RELN: variants seen among roughly 807,000 people sequenced by gnomAD.
RELN encodes reelin.
Under a neutral mutation model 427.6 loss-of-function variants are expected in RELN, and 108 were observed. The ratio of observed to expected loss-of-function variants is 0.25; its 90% CI spans 0.22 to 0.30. RELN has a LOEUF of 0.30. Ranked by LOEUF, RELN falls within the 10% of genes least tolerant of loss-of-function variation. RELN has a pLI of 1.00. For synonymous variants in RELN, 1,524 were observed against 1,513.4 expected (o/e 1.01, Z -0.16); for missense variants, 3,715 against 4,302.8 (o/e 0.86, Z 3.82).
At chr7:103,945,905 A>G (rs918439817) in intron 1 of RELN, among the ~76,000 whole-genome samples, 2 of 152,164 alleles carry the variant, frequency 1.3e-5, no homozygotes, top group African/African-American at 4.8e-5. Flanking sequence ...ACAAGGCTGG[A>G]CTGCACAGCC....
Position 103,651,795 on chromosome 7 carries a change from A to G in RELN, c.1764-6T>C, listed in dbSNP as rs1832920795. On this transcript the variant is annotated splice_region_variant and splice_polypyrimidine_tract_variant and intron_variant, in intron 14 of 64. Coordinates refer to ENST00000428762, the MANE Select transcript of RELN (RefSeq NM_005045.4). ...TAGAAAATTCCAAGCTGACACTAAT[A>G]AAACCAGAACAAGCACACACAAAAG... 49 of 1,611,026 alleles carry G rather than the reference A, an allele frequency of 3.0e-5. No individual in the cohort carries two copies. The highest frequency in any genetic ancestry group is 4.0e-5 in the Non-Finnish European group (47 of 1,178,218).
rs2117002049 is a variant in RELN at position 103,490,730 on chromosome 7, G to C, written c.9543C>G (p.Asn3181Lys). 6.2e-7 allele frequency: 1 copy of C among 1,614,236 alleles called. No individual in the cohort carries two copies. Among genetic ancestry groups the C allele is most frequent in the Non-Finnish European group, 8.5e-7 (1 of 1,180,044 alleles). Residue 3181 changes from asparagine (N) to lysine (K), a missense_variant, in exon 59 of 65, where the codon AAC (asparagine) becomes AAG (lysine). Around this residue, in one of 4 missense-constraint regions of RELN, gnomAD observed 1,310 missense variants for 1,643.0 expected, o/e 0.80. Coordinates refer to ENST00000428762, the MANE Select transcript of RELN (RefSeq NM_005045.4). ...PFQFHEATIY[N>K]SVNSSSWKRI... ...TTTTCCAGCTTGAGCTGTTGACAGAGTTGTAGATGGTGGCTTCATGGAACT... is the reference window on the plus strand; with the variant it reads ...TTTTCCAGCTTGAGCTGTTGACAGACTTGTAGATGGTGGCTTCATGGAACT...
chr7:103,645,627 GAACA>G (rs1215116487), intron 16 of RELN, among the ~76,000 whole-genome samples: 9 of 151,598 alleles, frequency 5.9e-5, no homozygotes, highest in African/African-American at 1.7e-4. Context: ...CAGATTCACA[GAACA>G]AATACTACTA....
intron 3 of RELN, among the ~76,000 whole-genome samples, chr7:103,827,827 C>T (rs564495939): frequency 2.3e-4 from 35 of 152,050 alleles, no homozygotes; most frequent in Middle Eastern, 3.4e-3. Flanking sequence ...AAAAAAAAGA[C>T]GTGATTTAAA....
intron 3 of RELN, among the ~76,000 whole-genome samples, chr7:103,811,088 A>T (rs1792731587): frequency 6.6e-6 from 1 of 152,236 alleles, no homozygotes; most frequent in Admixed American, 6.6e-5. Flanking sequence ...AATCTTATGC[A>T]AAAGGTATTT....
At chr7:103,955,621 T>C (rs907088991) in intron 1 of RELN, among the ~76,000 whole-genome samples, 1 of 152,188 alleles carries the variant, frequency 6.6e-6, no homozygotes, top group Admixed American at 6.5e-5. Context: ...CTATTAGATG[T>C]AGGATAGTGT....
At chr7:103,881,869 C>T (rs1794614951) in intron 2 of RELN, among the ~76,000 whole-genome samples, 1 of 152,100 alleles carries the variant, frequency 6.6e-6, no homozygotes, top group African/African-American at 2.4e-5. Flanking sequence ...AATGGATATA[C>T]AAAACACCCC....
At chr7:103,857,740 C>G (rs914617314) in intron 2 of RELN, among the ~76,000 whole-genome samples, 4 of 152,172 alleles carry the variant, frequency 2.6e-5, no homozygotes, top group Non-Finnish European at 5.9e-5. Context: ...CCGCCAAGCA[C>G]TGCACTAAAC....
chr7:103,709,961 A>G (rs1443719801), intron 8 of RELN, among the ~76,000 whole-genome samples: 1 of 152,224 alleles, frequency 6.6e-6, no homozygotes, highest in Non-Finnish European at 1.5e-5. Flanking sequence ...TTTGAAAGGG[A>G]AAGTTGAGGC....
At chr7:103,491,848 TCTCTCTCTCACACACACA>T (rs1429787562) in intron 58 of RELN, 87 bp downstream of exon 58, 209 of 581,784 alleles carry the variant, frequency 3.6e-4, no homozygotes, top group Middle Eastern at 1.9e-3. Context: ...TCTCTCTCTC[TCTCTCTCTCACACACACA>T]CACACACACA....
chr7:103,891,902 C>G (rs185648608), intron 2 of RELN, among the ~76,000 whole-genome samples: 2 of 152,026 alleles, frequency 1.3e-5, no homozygotes, highest in African/African-American at 4.8e-5. Flanking sequence ...ATTCTAGACA[C>G]GCTTTCTTCA....
At chr7:103,833,074 T>G (rs1320220472) in intron 3 of RELN, among the ~76,000 whole-genome samples, 1 of 152,194 alleles carries the variant, frequency 6.6e-6, no homozygotes, top group Non-Finnish European at 1.5e-5. Context: ...ATCAAGCAAA[T>G]TAACCTATCC....
At chr7:103,505,950 G>A (rs967996090) in intron 51 of RELN, among the ~76,000 whole-genome samples, 26 of 152,128 alleles carry the variant, frequency 1.7e-4, no homozygotes, top group African/African-American at 6.0e-4. Flanking sequence ...GCATACACAA[G>A]TATCAATAGC....
At chr7:103,883,984 A>G (rs1030004508) in intron 2 of RELN, among the ~76,000 whole-genome samples, 5 of 152,176 alleles carry the variant, frequency 3.3e-5, no homozygotes, top group African/African-American at 1.2e-4. Context: ...GACAATCCTA[A>G]GCAAAAAGAG....
chr7:103,981,551 T>C (rs1796990509), intron 1 of RELN, among the ~76,000 whole-genome samples: 1 of 152,312 alleles, frequency 6.6e-6, no homozygotes, highest in East Asian at 1.9e-4. Context: ...AAGCAAATGT[T>C]AACTGGGACA....
Position 103,551,938 on chromosome 7 carries a change from G to GC in RELN, c.6073-643_6073-642insG, listed in dbSNP as rs1554376284. 4.1e-5 allele frequency among the ~76,000 whole-genome samples: 6 copies of GC among 144,746 alleles called. No individual in the cohort carries two copies. The East Asian group carries it at 1.2e-3, about 29-fold the overall frequency. 95.0% of individuals were successfully genotyped at this position (144,746 alleles called of 152,430 possible). On this transcript the variant is annotated intron_variant, in intron 40 of 64. Transcript: ENST00000428762. ...TAGTTACCTTCTGTGTGTGTGTGTG[G>GC]GTGTGTGTGTGTGTGTGTGTGGTAA...
At chr7:103,902,478 A>C (rs1423943550) in intron 2 of RELN, among the ~76,000 whole-genome samples, 2 of 152,106 alleles carry the variant, frequency 1.3e-5, no homozygotes, top group Non-Finnish European at 2.9e-5. Context: ...AAATAACATA[A>C]TTAACTTGAT....
At position 103,569,534 on chromosome 7, in the gene RELN, T is replaced by A. The variant is rs968855730; in HGVS notation, c.4588+2650A>T. On this transcript the variant is annotated intron_variant, in intron 31 of 64. Transcript: ENST00000428762. The surrounding 1 kb of genome is among the most constrained non-coding windows in gnomAD (Gnocchi z 4.0). ...ATCTAAATTTGCATTTTAACAAGGC[T>A]CCCAAATGATTCAGGTGAACATTAA... Among the ~76,000 whole-genome samples the A allele has an allele frequency of 5.3e-5, 8 of 152,198 alleles. No homozygotes were observed. The highest frequency in any genetic ancestry group is 1.4e-4 in the African/African-American group (6 of 41,450).
At chr7:103,957,796 G>A (rs763214043) in intron 1 of RELN, among the ~76,000 whole-genome samples, 9 of 152,180 alleles carry the variant, frequency 5.9e-5, no homozygotes, top group South Asian at 2.1e-4. Flanking sequence ...TCGCCCATCT[G>A]TGGAGCAGAG....
Sources: allele counts gnomAD v4.1 joint callset (sites outside exome capture counted in the v4.1 genomes callset), GRCh38; gene constraint gnomAD v4.1.1; regional missense constraint gnomAD v4.1.1; non-coding constraint Gnocchi (gnomAD v3.1); transcripts MANE v1.5; gene names NCBI Gene and HGNC (gene_info 2026-07-23, HGNC 2026-07-21).